Variants in B3GALT1 observed in about 807,000 individuals in gnomAD.
The protein encoded by B3GALT1 is UDP-Gal:betaGlcNAc beta 1,3-galactosyltransferase, polypeptide 1.
B3GALT1 carries 10 observed loss-of-function variants against 23.2 expected under a neutral mutation model. The ratio of observed to expected loss-of-function variants is 0.43; its 90% CI spans 0.27 to 0.73. The LOEUF is 0.73. Among genes scored for constraint, B3GALT1 ranks in the 30% least tolerant of loss-of-function variants. B3GALT1 has a pLI of 0.21. For synonymous variants in B3GALT1, 156 were observed against 141.5 expected (o/e 1.10, Z -0.73); for missense variants, 299 against 405.4 (o/e 0.74, Z 2.25).
intron 3 of B3GALT1, among the ~76,000 whole-genome samples, chr2:167,671,780 T>C (rs1055569909): frequency 1.2e-4 from 18 of 145,908 alleles, no homozygotes; most frequent in African/African-American, 4.5e-4. Flanking sequence ...AGGAAGGAAA[T>C]AATAAAGATT....
At chr2:167,387,079 A>G (rs1172472662) in intron 1 of B3GALT1, among the ~76,000 whole-genome samples, 1 of 151,726 alleles carries the variant, frequency 6.6e-6, no homozygotes, top group Non-Finnish European at 1.5e-5. Flanking sequence ...AGAACCAGGG[A>G]GTCTTCATTG....
intron 1 of B3GALT1, among the ~76,000 whole-genome samples, chr2:167,464,214 A>G (rs1699310341): frequency 6.6e-6 from 1 of 152,120 alleles, no homozygotes. Context: ...GAAAAACCCA[A>G]AGCATCAAAG....
chr2:167,628,225 T>C (rs2105444805), intron 2 of B3GALT1, among the ~76,000 whole-genome samples: 1 of 151,772 alleles, frequency 6.6e-6, no homozygotes, highest in Middle Eastern at 3.4e-3. Context: ...TATTGTTCCG[T>C]TGTGAATTGG....
intron 2 of B3GALT1, among the ~76,000 whole-genome samples, chr2:167,517,151 A>C (rs543899399): frequency 6.6e-6 from 1 of 152,086 alleles, no homozygotes; most frequent in South Asian, 2.1e-4. Context: ...AGAGACAAGC[A>C]GACTCTCCTC....
At chr2:167,466,258 A>G (rs555705849) in intron 1 of B3GALT1, among the ~76,000 whole-genome samples, 1 of 152,296 alleles carries the variant, frequency 6.6e-6, no homozygotes, top group Non-Finnish European at 1.5e-5. Context: ...TACATTTGAT[A>G]ATCAGATTTG....
chr2:167,367,682 TTAAG>T (rs1697611286), intron 1 of B3GALT1, among the ~76,000 whole-genome samples: 2 of 152,174 alleles, frequency 1.3e-5, no homozygotes, highest in South Asian at 4.1e-4. Context: ...TTCTTTCCAT[TTAAG>T]TACATAGACT....
chr2:167,488,606 C>A (rs960390160), intron 1 of B3GALT1, among the ~76,000 whole-genome samples: 1 of 152,132 alleles, frequency 6.6e-6, no homozygotes, highest in African/African-American at 2.4e-5. Context: ...AATGTAAGTA[C>A]AAGTTGAGTT....
At chr2:167,758,551 G>A (rs73019369) in intron 3 of B3GALT1, among the ~76,000 whole-genome samples, 3,466 of 152,106 alleles carry the variant, frequency 0.023, 60 homozygotes, top group Non-Finnish European at 0.037. Flanking sequence ...CAGTGACTCC[G>A]GCCTCCTCTT....
At chr2:167,474,070 A>C (rs1248326019) in intron 1 of B3GALT1, among the ~76,000 whole-genome samples, 11 of 152,340 alleles carry the variant, frequency 7.2e-5, no homozygotes, top group South Asian at 6.2e-4. Context: ...TAAGAAAGTT[A>C]GTATTGACAG....
intron 1 of B3GALT1, among the ~76,000 whole-genome samples, chr2:167,474,809 A>C (rs1409858416): frequency 6.6e-6 from 1 of 152,198 alleles, no homozygotes; most frequent in Admixed American, 6.5e-5. Flanking sequence ...CCCAGATGTT[A>C]AAATGTAAAT....
intron 2 of B3GALT1, among the ~76,000 whole-genome samples, chr2:167,635,600 A>G (rs1047967470): frequency 7.0e-6 from 1 of 143,274 alleles, no homozygotes; most frequent in Non-Finnish European, 1.5e-5. Context: ...GACAATTGCT[A>G]CAAAAAGAAT....
intron 1 of B3GALT1, among the ~76,000 whole-genome samples, chr2:167,352,722 A>G (rs1210368756): frequency 2.3e-5 from 1 of 44,278 alleles, no homozygotes. Flanking sequence ...CTCCATCTCA[A>G]AAAGAAAAAA....
At chr2:167,444,801 G>A (rs1698954476) in intron 1 of B3GALT1, among the ~76,000 whole-genome samples, 1 of 151,770 alleles carries the variant, frequency 6.6e-6, no homozygotes, top group African/African-American at 2.4e-5. Context: ...TTTTATTGAT[G>A]TTTTGAAAAA....
chr2:167,651,834 G>A (rs1488968903), intron 3 of B3GALT1, among the ~76,000 whole-genome samples: 1 of 152,116 alleles, frequency 6.6e-6, no homozygotes, highest in Non-Finnish European at 1.5e-5. Flanking sequence ...TGCTCCCTGG[G>A]AAACATTTAA....
chr2:167,774,318 A>T (rs1688120914), intron 3 of B3GALT1, among the ~76,000 whole-genome samples: 1 of 152,112 alleles, frequency 6.6e-6, no homozygotes, highest in East Asian at 1.9e-4. Flanking sequence ...AACACCAGTA[A>T]TCCATATCAA....
intron 1 of B3GALT1, among the ~76,000 whole-genome samples, chr2:167,381,834 A>C (rs1697851315): frequency 1.3e-5 from 2 of 152,224 alleles, no homozygotes; most frequent in Admixed American, 1.3e-4. Context: ...TGAGGCTGAA[A>C]CATTTGCAAC....
At chr2:167,702,637 G>T (rs1686898463) in intron 3 of B3GALT1, among the ~76,000 whole-genome samples, 1 of 152,094 alleles carries the variant, frequency 6.6e-6, no homozygotes, top group African/African-American at 2.4e-5. Context: ...TAGAACCCTG[G>T]AAAGTGAATA....
intron 2 of B3GALT1, among the ~76,000 whole-genome samples, chr2:167,528,754 C>A (rs1453790875): frequency 2.0e-5 from 3 of 152,134 alleles, no homozygotes; most frequent in Non-Finnish European, 4.4e-5. Context: ...AAATCTTATT[C>A]CATTTTACAT....
chr2:167,556,634 A>T (rs1036098228), intron 2 of B3GALT1, among the ~76,000 whole-genome samples: 1 of 152,214 alleles, frequency 6.6e-6, no homozygotes, highest in African/African-American at 2.4e-5. Context: ...TAGAGCTAAG[A>T]CAATGAAGTA....
Sources: gnomAD v4.1 joint callset for allele counts (sites outside exome capture counted in the v4.1 genomes callset) on GRCh38, gnomAD v4.1.1 for gene constraint, MANE v1.5 for transcripts, NCBI Gene and HGNC (gene_info 2026-07-23, HGNC 2026-07-21) for gene names.